SH2D4B: variants seen among roughly 807,000 people sequenced by gnomAD.
SH2D4B encodes the protein SH2 domain containing 4B.
A neutral mutation model predicts 61.5 loss-of-function variants in SH2D4B; 45 were observed. That is an observed-to-expected ratio of 0.73 (90% CI 0.58 to 0.94). The LOEUF is 0.94. Among genes scored for constraint, SH2D4B ranks in the 40% least tolerant of loss-of-function variants. SH2D4B has a pLI of 0.00. For missense variants in SH2D4B, 572 were observed against 574.2 expected (o/e 1.00, Z 0.04); for synonymous variants, 224 against 220.4 (o/e 1.02, Z -0.14).
intron 1 of SH2D4B, among the ~76,000 whole-genome samples, chr10:80,544,357 A>C (rs1347554327): frequency 6.6e-6 from 1 of 152,156 alleles, no homozygotes; most frequent in Non-Finnish European, 1.5e-5. Context: ...AGAAGGAACA[A>C]ACTCCGGATA....
Position 80,609,514 on chromosome 10 carries a change from C to T in SH2D4B, c.951C>T (p.Phe317=), listed in dbSNP as rs774953296. The change falls in exon 6 of 8, where the codon TTC becomes TTT. Residue 317 remains phenylalanine (F), a synonymous_variant. Coordinates refer to ENST00000646907, the MANE Select transcript of SH2D4B (RefSeq NM_001388272.1). ...KEEQLPRRAG[F]ERNTKFIAPW... ...AGCAGCTGCCTCGCCGAGCTGGCTT[C>T]GAGAGGAACACCAAGTTCATCGCCC... The T allele has an allele frequency of 9.3e-6, 15 of 1,614,200 alleles. No individual in the cohort carries two copies. Among genetic ancestry groups the T allele is most frequent in the East Asian group, 6.7e-5 (3 of 44,874 alleles).
At chr10:80,590,185 A>G (rs1404034360) in intron 4 of SH2D4B, among the ~76,000 whole-genome samples, 1 of 152,160 alleles carries the variant, frequency 6.6e-6, no homozygotes, top group African/African-American at 2.4e-5. Flanking sequence ...GAGGCAGGCT[A>G]GGCAGGCTTC....
At chr10:80,577,796 T>G (rs1842143534) in intron 3 of SH2D4B, among the ~76,000 whole-genome samples, 1 of 151,492 alleles carries the variant, frequency 6.6e-6, no homozygotes, top group South Asian at 2.1e-4. Context: ...TCTCCTGACC[T>G]CGTGATCTGC....
rs1589326399 is a variant in SH2D4B, at chr10:80,538,899, T to C, written c.184+384T>C. ...CCTTGCCATTGGTTCTGGGCCAGAG[T>C]GTGGTGTAGATATGCAGTTCCTTTC... On this transcript the variant is annotated intron_variant, in intron 1 of 7. Coordinates refer to ENST00000646907, the MANE Select transcript of SH2D4B (RefSeq NM_001388272.1). The surrounding 1 kb of genome is among the most constrained non-coding windows in gnomAD (Gnocchi z 4.8). 6.6e-6 allele frequency among the ~76,000 whole-genome samples: 1 copy of C among 151,878 alleles called. No homozygotes were observed. Among genetic ancestry groups the C allele is most frequent in the South Asian group, 2.1e-4 (1 of 4,802 alleles).
rs1840358827 is a variant in SH2D4B at position 80,644,282 on chromosome 10, C to T, written c.*197C>T. 2 of 547,294 alleles carry T rather than the reference C, an allele frequency of 3.7e-6. No individual in the cohort carries two copies. The highest frequency in any genetic ancestry group is 6.5e-6 in the Non-Finnish European group (2 of 308,780). The allele number at this position is 547,294 out of a possible 1,614,324, so 33.9% of individuals were successfully genotyped here. On this transcript the variant is annotated 3_prime_UTR_variant, in exon 8 of 8. Coordinates refer to ENST00000646907, the MANE Select transcript of SH2D4B (RefSeq NM_001388272.1). ...ATCCCAGCGATCGGGACAGAAATTG[C>T]TAATAGCTCATGCAACTCTTTCATG...
intron 6 of SH2D4B, among the ~76,000 whole-genome samples, chr10:80,612,198 T>TTTTTTTTTTTTTTTC (rs59848195): frequency 1.6e-5 from 2 of 125,206 alleles, no homozygotes; most frequent in African/African-American, 3.2e-5. Flanking sequence ...TTTTTTTTTT[T>TTTTTTTTTTTTTTTC]CAACTTTACT....
chr10:80,612,857 T>C (rs1004503439), intron 6 of SH2D4B, among the ~76,000 whole-genome samples: 5 of 152,170 alleles, frequency 3.3e-5, no homozygotes, highest in Non-Finnish European at 7.3e-5. Context: ...AAACAGCAAA[T>C]AGACAAAGAA....
chr10:80,631,746 T>C (rs1040879942), intron 6 of SH2D4B, among the ~76,000 whole-genome samples: 2 of 148,286 alleles, frequency 1.3e-5, no homozygotes, highest in African/African-American at 4.9e-5. Flanking sequence ...ATGTGGAATC[T>C]AAAAACATTG....
At chr10:80,563,446 A>G (rs1427972847) in intron 1 of SH2D4B, among the ~76,000 whole-genome samples, 1 of 152,136 alleles carries the variant, frequency 6.6e-6, no homozygotes, top group East Asian at 1.9e-4. Flanking sequence ...GAAGCTTTGT[A>G]GTTTGACATT....
At chr10:80,569,229 T>C (rs1334087992) in intron 1 of SH2D4B, among the ~76,000 whole-genome samples, 4 of 152,184 alleles carry the variant, frequency 2.6e-5, no homozygotes, top group Non-Finnish European at 5.9e-5. Flanking sequence ...ACCTGATTCC[T>C]TGTTTCTAGC....
intron 1 of SH2D4B, among the ~76,000 whole-genome samples, chr10:80,544,081 C>T (rs1308304172): frequency 6.6e-6 from 1 of 151,862 alleles, no homozygotes; most frequent in African/African-American, 2.4e-5. Flanking sequence ...ACTGTGGAAG[C>T]TTTGTTCTTT....
At chr10:80,638,060 T>G (rs899041973) in intron 7 of SH2D4B, among the ~76,000 whole-genome samples, 1 of 152,334 alleles carries the variant, frequency 6.6e-6, no homozygotes, top group African/African-American at 2.4e-5. Flanking sequence ...GTTTTTGTCA[T>G]TGGTTCTGTT....
intron 2 of SH2D4B, among the ~76,000 whole-genome samples, 189 bp from the exon 3 acceptor site, chr10:80,571,242 C>T (rs1226499155): frequency 6.6e-6 from 1 of 152,166 alleles, no homozygotes; most frequent in Non-Finnish European, 1.5e-5. Flanking sequence ...GCATAGTTTT[C>T]CTGGCTTCCA....
intron 1 of SH2D4B, among the ~76,000 whole-genome samples, chr10:80,555,341 C>CGCCTACTGTTCACATTTCTCTCCCT (rs568738844): frequency 1.3e-5 from 2 of 152,186 alleles, no homozygotes; most frequent in East Asian, 3.9e-4. Context: ...TTTCTCTCCC[C>CGCCTACTGTTCACATTTCTCTCCCT]GCCTACTGTT....
At chr10:80,562,814 A>T (rs1841916532) in intron 1 of SH2D4B, among the ~76,000 whole-genome samples, 1 of 150,398 alleles carries the variant, frequency 6.6e-6, no homozygotes, top group Non-Finnish European at 1.5e-5. Flanking sequence ...GATAATAGCC[A>T]TTCTTACAGG....
chr10:80,634,683 G>T (rs1589365437), intron 7 of SH2D4B, among the ~76,000 whole-genome samples, 178 bp downstream of exon 7: 1 of 152,146 alleles, frequency 6.6e-6, no homozygotes, highest in South Asian at 2.1e-4. Context: ...GGGCCCGAGG[G>T]CCCACTGTTC....
chr10:80,572,988 T>TA (rs1842080081), intron 3 of SH2D4B, among the ~76,000 whole-genome samples: 15 of 11,040 alleles, frequency 1.4e-3, no homozygotes, highest in Non-Finnish European at 2.7e-3. Context: ...ATATATATAT[T>TA]TTTTTTTTTT....
Position 80,645,055 on chromosome 10 carries a change from T to C in SH2D4B, c.*970T>C, listed in dbSNP as rs1172777282. The C allele has an allele frequency of 6.6e-6, 1 of 152,234 alleles. No individual in the cohort carries two copies. Among genetic ancestry groups the C allele is most frequent in the Non-Finnish European group, 1.5e-5 (1 of 68,040 alleles). The allele number at this position is 152,234 out of a possible 1,614,324, so 9.4% of individuals were successfully genotyped here. The stretch of plus-strand genomic sequence containing the variant: ...CTTGTGTTCCACAGTTATGGCCATA[T>C]ACACAGAGGTAGTATATGATGAAGA... On this transcript the variant is annotated 3_prime_UTR_variant, in exon 8 of 8. Coordinates refer to ENST00000646907, the MANE Select transcript of SH2D4B (RefSeq NM_001388272.1).
chr10:80,625,979 T>C (rs1255923079), intron 6 of SH2D4B, among the ~76,000 whole-genome samples: 3 of 152,174 alleles, frequency 2.0e-5, no homozygotes, highest in Non-Finnish European at 4.4e-5. Context: ...TAAACAAAAT[T>C]TTGAAACTCC....
Sources: allele counts gnomAD v4.1 joint callset (sites outside exome capture counted in the v4.1 genomes callset), GRCh38; gene constraint gnomAD v4.1.1; non-coding constraint Gnocchi (gnomAD v3.1); transcripts MANE v1.5; gene names NCBI Gene and HGNC (gene_info 2026-07-23, HGNC 2026-07-21).